The following GARNL3 variants were observed in gnomAD, a reference collection of about 807,000 sequenced individuals.
The protein encoded by GARNL3 is GTPase-activating Rap/Ran-GAP domain-like protein 3.
GARNL3 carries 63 observed loss-of-function variants against 125.0 expected under a neutral mutation model. The ratio of observed to expected loss-of-function variants is 0.50; its 90% CI spans 0.41 to 0.62. The LOEUF is 0.62. GARNL3 is among the 20% of genes least tolerant of loss of function. The probability of loss-of-function intolerance (pLI) is 0.00; values close to 1 mark genes in which losing one functional copy is unlikely to be tolerated. For synonymous variants in GARNL3, 439 were observed against 457.5 expected (o/e 0.96, Z 0.52); for missense variants, 994 against 1,244.0 (o/e 0.80, Z 3.02).
rs2063143256 is a variant in GARNL3 at position 127,238,076 on chromosome 9, TC to T, written c.-28-5000del. 3.3e-5 allele frequency among the ~76,000 whole-genome samples: 5 copies of T among 152,290 alleles called. No homozygotes were observed. The South Asian group carries it at 1.0e-3, about 32-fold the overall frequency. On this transcript the variant is annotated intron_variant, in intron 1 of 10. Transcript: ENST00000439286. ...AAGGCCAGATCAACCTGACATGTTC[TC>T]CCTATGCCAGACGAATACCTGCCTT...
intron 11 of GARNL3, 70 bp from the exon 12 acceptor site, chr9:127,338,046 G>T: frequency 1.7e-6 from 2 of 1,148,640 alleles, no homozygotes; most frequent in Non-Finnish European, 2.6e-6. Context: ...CTGCACAAGG[G>T]ATTTTCAGAG....
chr9:127,269,786 G>GTTTTTTGTGGTT (rs1554896116), intron 1 of GARNL3, among the ~76,000 whole-genome samples: 2 of 129,820 alleles, frequency 1.5e-5, no homozygotes, highest in Middle Eastern at 3.9e-3. Flanking sequence ...TGTTTTTTGT[G>GTTTTTTGTGGTT]TTTTTTTTTT....
At chr9:127,268,920 G>A (rs902134113) in intron 1 of GARNL3, among the ~76,000 whole-genome samples, 2 of 152,176 alleles carry the variant, frequency 1.3e-5, no homozygotes, top group African/African-American at 4.8e-5. Flanking sequence ...GTGTATATCA[G>A]AATTTCATTC....
intron 2 of GARNL3, among the ~76,000 whole-genome samples, chr9:127,252,409 A>G (rs993673802): frequency 6.6e-6 from 1 of 152,194 alleles, no homozygotes; most frequent in African/African-American, 2.4e-5. Flanking sequence ...GTTTATTCAA[A>G]TATTTATTGT....
chr9:127,263,182 T>C (rs1034459396), upstream of GARNL3, among the ~76,000 whole-genome samples: 5 of 152,214 alleles, frequency 3.3e-5, no homozygotes, highest in African/African-American at 1.2e-4. Flanking sequence ...GGGTCTAGGA[T>C]ATAGGGTTAT....
upstream of GARNL3, chr9:127,263,747 AG>A: frequency 8.3e-7 from 1 of 1,202,020 alleles, no homozygotes; most frequent in Non-Finnish European, 1.0e-6. Context: ...CAGCTAAGAG[AG>A]GGAGGACTAC....
chr9:127,349,104 A>G, intron 17 of GARNL3, 69 bp downstream of exon 17: 1 of 1,024,850 alleles, frequency 9.8e-7, no homozygotes, highest in Non-Finnish European at 1.5e-6. Flanking sequence ...ATGAGTGACC[A>G]CCAACCAACT....
intron 17 of GARNL3, among the ~76,000 whole-genome samples, 174 bp downstream of exon 17, chr9:127,349,209 A>T (rs1348450637): frequency 6.6e-6 from 1 of 152,118 alleles, no homozygotes; most frequent in East Asian, 1.9e-4. Flanking sequence ...AGCAGAGGAA[A>T]TATACTCTGA....
Position 127,354,424 on chromosome 9 carries a change from T to C in GARNL3, c.1759+14T>C. The C allele has an allele frequency of 6.7e-7, 1 of 1,489,846 alleles. No homozygotes were observed. Among genetic ancestry groups the C allele is most frequent in the Non-Finnish European group, 9.3e-7 (1 of 1,073,686 alleles). 92.3% of individuals were successfully genotyped at this position (1,489,846 alleles called of 1,614,324 possible). A position where few individuals can be genotyped will look rare whatever the true frequency, so the allele number is the denominator to read the frequency against. On this transcript the variant is annotated intron_variant, in intron 19 of 27. Transcript: ENST00000373387. ...AGAAAACAAAAGGTGACTTGATAGA[T>C]TGGTAGATTCCATTCGATTCGTTTT...
intron 22 of GARNL3, among the ~76,000 whole-genome samples, chr9:127,380,925 C>T (rs985421212): frequency 2.0e-5 from 3 of 152,204 alleles, no homozygotes; most frequent in Admixed American, 6.5e-5. Context: ...TGTCACCAGG[C>T]TGGAGTGCAG....
At chr9:127,287,926 AC>A (rs1184870113) in intron 1 of GARNL3, among the ~76,000 whole-genome samples, 1 of 152,072 alleles carries the variant, frequency 6.6e-6, no homozygotes. Flanking sequence ...TATAGGTCTT[AC>A]CCCTGTTTTT....
chr9:127,300,747 G>A (rs1443395302), intron 2 of GARNL3: 8 of 352,964 alleles, frequency 2.3e-5, no homozygotes, highest in African/African-American at 6.6e-5. Context: ...GAGCCACCGC[G>A]CCTGGCCCTA....
Position 127,242,642 on chromosome 9 carries a change from T to C in GARNL3, c.-28-437T>C, listed in dbSNP as rs1012993036. Among the ~76,000 whole-genome samples, 2 of 152,228 alleles carry C rather than the reference T, an allele frequency of 1.3e-5. No individual in the cohort carries two copies. Among genetic ancestry groups the C allele is most frequent in the Non-Finnish European group, 2.9e-5 (2 of 68,036 alleles). ...GCCAGTCTAGGCCCTTTTTATGGCTTTTCTTGGATTTTTAAATTAGAAGAT... is the reference window on the plus strand; with the variant it reads ...GCCAGTCTAGGCCCTTTTTATGGCTCTTCTTGGATTTTTAAATTAGAAGAT... On this transcript the variant is annotated intron_variant, in intron 1 of 10. Transcript: ENST00000439286. The surrounding 1 kb of genome is among the most constrained non-coding windows in gnomAD (Gnocchi z 4.6).
rs79801539 is a variant in GARNL3, at chr9:127,235,095, T to G, written c.-28-7984T>G. 5.8e-3 allele frequency among the ~76,000 whole-genome samples: 881 copies of G among 152,222 alleles called. 24 individuals are homozygous for G. The East Asian group carries it at 0.087, about 15-fold the overall frequency. The stretch of plus-strand genomic sequence containing the variant: ...TACATATGTGTTAAGTGAAGAGAAA[T>G]AAGCAGCTTCTGGCGATAGCCAGGG... On this transcript the variant is annotated intron_variant, in intron 1 of 10. Coordinates refer to the GARNL3 transcript ENST00000439286.
At chr9:127,248,640 C>T (rs1161616685) in intron 2 of GARNL3, among the ~76,000 whole-genome samples, 19 of 117,572 alleles carry the variant, frequency 1.6e-4, no homozygotes, top group African/African-American at 6.4e-4. Flanking sequence ...CAGGGTCTCA[C>T]TCCATTGTCC....
chr9:127,287,367 A>G lies in GARNL3; in HGVS notation c.145-3801A>G, dbSNP rs191032597. Among the ~76,000 whole-genome samples, 61 of 150,778 alleles carry G rather than the reference A, an allele frequency of 4.0e-4. 1 individual carries two copies. In the East Asian group the frequency reaches 0.011, roughly 26 times the overall value. Reference sequence around the variant, plus strand: ...CAAAAAAAGAAAGTGTAGATTTTTTATAGTTGTAATTGGCCAGATCAAAGG... The same window carrying G: ...CAAAAAAAGAAAGTGTAGATTTTTTGTAGTTGTAATTGGCCAGATCAAAGG... On this transcript the variant is annotated intron_variant, in intron 1 of 27. Coordinates refer to ENST00000373387, the MANE Select transcript of GARNL3 (RefSeq NM_032293.5).
chr9:127,274,340 C>T (rs1268899035), intron 1 of GARNL3, among the ~76,000 whole-genome samples: 2 of 152,188 alleles, frequency 1.3e-5, no homozygotes, highest in Admixed American at 1.3e-4. Context: ...GTAACAAATC[C>T]ACCAGCTGAA....
intron 1 of GARNL3, among the ~76,000 whole-genome samples, chr9:127,273,181 C>A (rs2063865906): frequency 6.6e-6 from 1 of 152,096 alleles, no homozygotes; most frequent in Non-Finnish European, 1.5e-5. Context: ...TCCCATTTAA[C>A]TGATGATACC....
chr9:127,348,885 C>T (rs1473964095), intron 16 of GARNL3, 39 bp from the exon 17 acceptor site: 1 of 1,390,178 alleles, frequency 7.2e-7, no homozygotes, highest in Non-Finnish European at 1.0e-6. Flanking sequence ...TGTATTTTTT[C>T]TGGTGCACTT....
Sources: gnomAD v4.1 joint callset for allele counts (sites outside exome capture counted in the v4.1 genomes callset) on GRCh38, gnomAD v4.1.1 for gene constraint, Gnocchi (gnomAD v3.1) non-coding constraint, MANE v1.5 for transcripts, NCBI Gene and HGNC (gene_info 2026-07-23, HGNC 2026-07-21) for gene names.